The following STPG2 variants were observed in gnomAD, a reference collection of about 807,000 sequenced individuals.
The protein encoded by STPG2 is sperm tail PG-rich repeat containing 2.
A neutral mutation model predicts 54.2 loss-of-function variants in STPG2; 56 were observed. The ratio of observed to expected loss-of-function variants is 1.03; its 90% CI spans 0.83 to 1.29. The LOEUF (loss-of-function observed/expected upper bound fraction) is 1.29, where lower values mean the gene tolerates loss of function less well. Among genes scored for constraint, STPG2 ranks in the 50% most tolerant of loss-of-function variants. The pLI, the probability that STPG2 is intolerant of heterozygous loss-of-function variation, is 0.00. For missense variants in STPG2, 596 were observed against 544.9 expected (o/e 1.09, Z -0.93); for synonymous variants, 200 against 181.8 (o/e 1.10, Z -0.81).
chr4:97,936,247 C>T (rs1264456189), intron 8 of STPG2, among the ~76,000 whole-genome samples: 1 of 152,088 alleles, frequency 6.6e-6, no homozygotes, highest in South Asian at 2.1e-4. Context: ...TTCCTCCACC[C>T]CTTTATTTTT....
At chr4:97,882,298 G>A (rs1578651960) in intron 8 of STPG2, among the ~76,000 whole-genome samples, 1 of 152,094 alleles carries the variant, frequency 6.6e-6, no homozygotes, top group Non-Finnish European at 1.5e-5. Context: ...TGTAGACCTT[G>A]GGGAGGAAAA....
chr4:98,089,743 A>T (rs528639508), intron 5 of STPG2, among the ~76,000 whole-genome samples: 1 of 150,136 alleles, frequency 6.7e-6, no homozygotes, highest in South Asian at 2.1e-4. Flanking sequence ...AATTATGGTC[A>T]TTCTTGCTAG....
intron 10 of STPG2, among the ~76,000 whole-genome samples, chr4:97,652,801 T>G (rs1032008084): frequency 6.6e-6 from 1 of 151,946 alleles, no homozygotes; most frequent in African/African-American, 2.4e-5. Context: ...TTTTCAAAGA[T>G]GAGATTAGCC....
At chr4:97,533,745 T>C (rs1468699633) in intron 4 of STPG2, among the ~76,000 whole-genome samples, 3 of 152,120 alleles carry the variant, frequency 2.0e-5, no homozygotes, top group Non-Finnish European at 4.4e-5. Flanking sequence ...TAACCCTCCA[T>C]TGTGTGAACT....
At chr4:97,841,419 G>A (rs1449423681) in intron 8 of STPG2, among the ~76,000 whole-genome samples, 1 of 151,530 alleles carries the variant, frequency 6.6e-6, no homozygotes, top group Non-Finnish European at 1.5e-5. Context: ...TATATGAACT[G>A]CAGTCATAGT....
chr4:97,452,219 C>T (rs1229282264), intron 4 of STPG2, among the ~76,000 whole-genome samples: 1 of 150,788 alleles, frequency 6.6e-6, no homozygotes, highest in Non-Finnish European at 1.5e-5. Flanking sequence ...CCCAGGAAGG[C>T]CCTCATGCCC....
chr4:97,867,414 A>C (rs753622270), intron 8 of STPG2, among the ~76,000 whole-genome samples: 3 of 151,996 alleles, frequency 2.0e-5, no homozygotes, highest in Admixed American at 6.6e-5. Context: ...ATTTTCAATT[A>C]ACTCCTTGTG....
chr4:97,616,054 AT>A (rs1733857816), intron 10 of STPG2, among the ~76,000 whole-genome samples: 1 of 64,318 alleles, frequency 1.6e-5, no homozygotes, highest in Non-Finnish European at 2.7e-5. Flanking sequence ...AAAAATACAT[AT>A]AAATATATAT....
intron 8 of STPG2, among the ~76,000 whole-genome samples, chr4:97,859,410 T>C (rs993630976): frequency 2.6e-5 from 4 of 152,188 alleles, no homozygotes; most frequent in African/African-American, 4.8e-5. Flanking sequence ...TTTAGTTTAA[T>C]TGGGTTCATC....
chr4:97,643,333 C>G (rs1721817273), intron 10 of STPG2, among the ~76,000 whole-genome samples: 1 of 151,638 alleles, frequency 6.6e-6, no homozygotes, highest in South Asian at 2.1e-4. Context: ...TTCAATGAAA[C>G]AAACTCTATA....
chr4:97,818,560 A>G (rs527287580), intron 9 of STPG2, among the ~76,000 whole-genome samples: 1 of 151,710 alleles, frequency 6.6e-6, no homozygotes, highest in Non-Finnish European at 1.5e-5. Context: ...AAAAAAGAAG[A>G]CTGCTGTATT....
At chr4:97,656,629 C>A (rs755469030) in intron 10 of STPG2, among the ~76,000 whole-genome samples, 1 of 151,298 alleles carries the variant, frequency 6.6e-6, no homozygotes, top group African/African-American at 2.4e-5. Flanking sequence ...GTATTAACAG[C>A]TCATGTTACC....
intron 9 of STPG2, among the ~76,000 whole-genome samples, chr4:97,780,004 T>G (rs1301265418): frequency 6.7e-6 from 1 of 149,758 alleles, no homozygotes; most frequent in Non-Finnish European, 1.5e-5. Flanking sequence ...ACATCGATGC[T>G]AGGAAGAAAC....
chr4:98,011,882 C>T (rs1418371419), intron 5 of STPG2, among the ~76,000 whole-genome samples: 4 of 152,148 alleles, frequency 2.6e-5, no homozygotes, highest in African/African-American at 9.7e-5. Flanking sequence ...GGGTAGATTA[C>T]AACATTTTTC....
intron 8 of STPG2, among the ~76,000 whole-genome samples, chr4:97,859,466 CTTTT>C (rs70953089): frequency 7.7e-6 from 1 of 129,112 alleles, no homozygotes; most frequent in Non-Finnish European, 1.6e-5. Context: ...CTTTTCTTTT[CTTTT>C]TTTTTTTTTT....
At chr4:97,739,700 T>G (rs893439996) in intron 9 of STPG2, among the ~76,000 whole-genome samples, 5 of 152,108 alleles carry the variant, frequency 3.3e-5, no homozygotes, top group Non-Finnish European at 7.4e-5. Context: ...AATAACAGGC[T>G]CTGAAATTGT....
Position 98,102,882 on chromosome 4 carries a change from T to C in STPG2, c.612+3071A>G, listed in dbSNP as rs141952134. ...TATTAATATGGAATATATCATGTAA[T>C]ATATTAACATGTAATATAATATATA... On this transcript the variant is annotated intron_variant, in intron 5 of 10. Coordinates refer to ENST00000295268, the MANE Select transcript of STPG2 (RefSeq NM_174952.3). Among the ~76,000 whole-genome samples, 271 of 148,744 alleles carry C rather than the reference T, an allele frequency of 1.8e-3. 1 individual carries two copies. The highest frequency in any genetic ancestry group is 6.2e-3 in the African/African-American group (252 of 40,920).
chr4:97,792,841 T>G (rs1483236511), intron 9 of STPG2, among the ~76,000 whole-genome samples: 2 of 152,096 alleles, frequency 1.3e-5, no homozygotes, highest in African/African-American at 4.8e-5. Flanking sequence ...CCTCAATTCT[T>G]TTGGTCTTCA....
At position 98,000,023 on chromosome 4, in the gene STPG2, C is replaced by T. The variant is rs1034552267; in HGVS notation, c.613-18705G>A. 2.0e-5 allele frequency among the ~76,000 whole-genome samples: 3 copies of T among 152,242 alleles called. No individual in the cohort carries two copies. The South Asian group carries it at 6.2e-4, about 32-fold the overall frequency. On this transcript the variant is annotated intron_variant, in intron 5 of 10. Transcript: ENST00000295268. The stretch of plus-strand genomic sequence containing the variant: ...TCTCAGTATTATATCCATTTTAATA[C>T]TATATTGTTAATATCACTAATCTCT...
Sources: allele counts gnomAD v4.1 joint callset (sites outside exome capture counted in the v4.1 genomes callset), GRCh38; gene constraint gnomAD v4.1.1; transcripts MANE v1.5; gene names NCBI Gene and HGNC (gene_info 2026-07-23, HGNC 2026-07-21).